Variants in NALCN observed in about 807,000 individuals in gnomAD.
NALCN encodes the protein sodium leak channel NALCN.
NALCN carries 111 observed loss-of-function variants against 225.3 expected under a neutral mutation model. The observed-to-expected ratio is 0.49, with a 90% CI of 0.42 to 0.58. The LOEUF (loss-of-function observed/expected upper bound fraction) is 0.58, where lower values mean the gene tolerates loss of function less well. Ranked by LOEUF, NALCN falls within the 20% of genes least tolerant of loss-of-function variation. The pLI, the probability that NALCN is intolerant of heterozygous loss-of-function variation, is 0.00. For missense variants in NALCN, 1,378 were observed against 2,202.4 expected (o/e 0.63, Z 7.49); for synonymous variants, 764 against 769.0 (o/e 0.99, Z 0.11).
chr13:101,389,531 G>C (rs1181519837), intron 3 of NALCN, among the ~76,000 whole-genome samples: 1 of 152,122 alleles, frequency 6.6e-6, no homozygotes, highest in Non-Finnish European at 1.5e-5. Context: ...GGGGCCAGTG[G>C]GTAAGAAATA....
At position 101,081,514 on chromosome 13, in the gene NALCN, C is replaced by T. The variant is rs780156672; in HGVS notation, c.3885+13G>A. 3.8e-5 allele frequency: 61 copies of T among 1,613,920 alleles called. 1 individual carries two copies. The highest frequency in any genetic ancestry group is 2.2e-4 in the Admixed American group (13 of 59,970). On this transcript the variant is annotated intron_variant, in intron 34 of 43. Coordinates refer to ENST00000251127, the MANE Select transcript of NALCN (RefSeq NM_052867.4). ...AAATAATCAGCTGAAATCAACTTGA[C>T]TTCTATGCTTACCAGGAGGGCAAAG... is the stretch of plus-strand genomic sequence containing the variant.
intron 3 of NALCN, among the ~76,000 whole-genome samples, chr13:101,386,760 C>T (rs1424285236): frequency 6.6e-6 from 1 of 152,078 alleles, no homozygotes; most frequent in East Asian, 1.9e-4. Context: ...GATAACACTA[C>T]TTTAACGATT....
At chr13:101,287,872 T>C (rs2043397809) in intron 9 of NALCN, among the ~76,000 whole-genome samples, 1 of 152,210 alleles carries the variant, frequency 6.6e-6, no homozygotes, top group Non-Finnish European at 1.5e-5. Flanking sequence ...ACAGGTTATC[T>C]AATGGATAGT....
intron 6 of NALCN, among the ~76,000 whole-genome samples, chr13:101,350,679 C>T (rs1379171430): frequency 6.6e-6 from 1 of 152,146 alleles, no homozygotes; most frequent in African/African-American, 2.4e-5. Flanking sequence ...TGGTTGAACA[C>T]CAGTCTAGAT....
At chr13:101,080,563 T>TTA (rs1415086500) in intron 34 of NALCN, among the ~76,000 whole-genome samples, 78 of 109,374 alleles carry the variant, frequency 7.1e-4, no homozygotes, top group African/African-American at 3.2e-3. Context: ...ACATAAATAA[T>TTA]TATAACCAAA....
chr13:101,055,705 A>C (rs1232034342), intron 43 of NALCN, among the ~76,000 whole-genome samples: 4 of 152,124 alleles, frequency 2.6e-5, no homozygotes, highest in African/African-American at 9.7e-5. Flanking sequence ...TCATTTGGGA[A>C]AAAAACGTGC....
chr13:101,104,748 G>A lies in NALCN; in HGVS notation c.2637-98C>T. ...TTCTGTGGCTCTATCAACATGACTGGTATTTTAAAAACATCATTCCCCAAT... is the reference window on the plus strand; with the variant it reads ...TTCTGTGGCTCTATCAACATGACTGATATTTTAAAAACATCATTCCCCAAT... On this transcript the variant is annotated intron_variant, in intron 23 of 43. Transcript: ENST00000251127. This position sits in a 1 kb window ranked among gnomAD's most constrained non-coding sequence, Gnocchi z 4.2. 1.9e-6 allele frequency: 3 copies of A among 1,565,906 alleles called. No homozygotes were observed. In the Admixed American group the frequency reaches 5.3e-5, roughly 28 times the overall value.
chr13:101,323,835 T>C (rs1413902296), intron 7 of NALCN, among the ~76,000 whole-genome samples: 2 of 152,218 alleles, frequency 1.3e-5, no homozygotes, highest in African/African-American at 2.4e-5. Context: ...AAGGCAAATA[T>C]TGTGCACTGC....
chr13:101,145,622 G>A (rs1021101575), intron 15 of NALCN, among the ~76,000 whole-genome samples: 5 of 152,172 alleles, frequency 3.3e-5, no homozygotes, highest in Admixed American at 6.5e-5. Flanking sequence ...TACTACAAAG[G>A]TGGACTGTGG....
At chr13:101,199,130 G>T (rs2040008833) in intron 13 of NALCN, among the ~76,000 whole-genome samples, 1 of 151,654 alleles carries the variant, frequency 6.6e-6, no homozygotes, top group African/African-American at 2.4e-5. Context: ...CACACACTGG[G>T]GCCTGTTGTG....
At chr13:101,410,759 A>G (rs1444019830) in intron 1 of NALCN, among the ~76,000 whole-genome samples, 1 of 152,246 alleles carries the variant, frequency 6.6e-6, no homozygotes, top group Non-Finnish European at 1.5e-5. Flanking sequence ...TACCCTGTAG[A>G]TACTATTAAC....
intron 39 of NALCN, 56 bp from the exon 40 acceptor site, chr13:101,065,617 G>C (rs933375155): frequency 5.8e-6 from 9 of 1,560,182 alleles, no homozygotes; most frequent in Non-Finnish European, 7.8e-6. Flanking sequence ...ATTCACTTGG[G>C]TTTCTCAAAA....
intron 7 of NALCN, among the ~76,000 whole-genome samples, chr13:101,340,247 G>A (rs557169498): frequency 1.3e-5 from 2 of 149,528 alleles, no homozygotes; most frequent in East Asian, 4.1e-4. Flanking sequence ...CAGCTTGGGC[G>A]ACAGACCGAG....
intron 11 of NALCN, among the ~76,000 whole-genome samples, chr13:101,249,131 C>T (rs1369590938): frequency 6.6e-6 from 1 of 151,850 alleles, no homozygotes. Flanking sequence ...ACAATATTGG[C>T]AGCAAAAAGG....
chr13:101,413,996 C>T (rs1287067361), intron 1 of NALCN, among the ~76,000 whole-genome samples: 1 of 152,080 alleles, frequency 6.6e-6, no homozygotes, highest in African/African-American at 2.4e-5. Flanking sequence ...CGCGATCCTT[C>T]CACCTCAGCC....
chr13:101,143,528 A>C (rs990876951), intron 16 of NALCN, among the ~76,000 whole-genome samples: 3 of 151,522 alleles, frequency 2.0e-5, no homozygotes, highest in Admixed American at 6.6e-5. Context: ...GCAATGGTGC[A>C]ATCTCAGCTC....
At chr13:101,210,217 T>G (rs2040471509) in intron 13 of NALCN, among the ~76,000 whole-genome samples, 1 of 152,206 alleles carries the variant, frequency 6.6e-6, no homozygotes, top group Admixed American at 6.5e-5. Flanking sequence ...CTCAGCCAGA[T>G]GCATGCTCAC....
At chr13:101,114,397 T>G (rs1007713683) in intron 18 of NALCN, among the ~76,000 whole-genome samples, 1 of 151,976 alleles carries the variant, frequency 6.6e-6, no homozygotes, top group African/African-American at 2.4e-5. Context: ...TCATGGTGGA[T>G]GTTATAACAC....
chr13:101,160,508 G>A (rs1440179467), intron 15 of NALCN, among the ~76,000 whole-genome samples: 1 of 152,106 alleles, frequency 6.6e-6, no homozygotes, highest in Non-Finnish European at 1.5e-5. Flanking sequence ...AGTGGTTGGG[G>A]AGGAGCTGGA....
Sources: gnomAD v4.1 joint callset for allele counts (sites outside exome capture counted in the v4.1 genomes callset) on GRCh38, gnomAD v4.1.1 for gene constraint, Gnocchi (gnomAD v3.1) non-coding constraint, MANE v1.5 for transcripts, NCBI Gene and HGNC (gene_info 2026-07-23, HGNC 2026-07-21) for gene names.